Variants in SEL1L3 observed in about 807,000 individuals in gnomAD.
The protein encoded by SEL1L3 is protein sel-1 homolog 3.
Under a neutral mutation model 142.8 loss-of-function variants are expected in SEL1L3, and 76 were observed. The observed-to-expected ratio is 0.53, with a 90% CI of 0.44 to 0.64. The LOEUF (loss-of-function observed/expected upper bound fraction) is 0.64. Among genes scored for constraint, SEL1L3 ranks in the 30% least tolerant of loss-of-function variants. The pLI, the probability that SEL1L3 is intolerant of heterozygous loss-of-function variation, is 0.00. For missense variants in SEL1L3, 1,262 were observed against 1,381.7 expected, an observed-to-expected ratio of 0.91 and a Z score of 1.37; for synonymous variants, 504 against 519.6, an observed-to-expected ratio of 0.97 and a Z score of 0.41.
At chr4:25,733,739 C>T in the SEL1L3 span, among the ~76,000 whole-genome samples, 1 of 151,996 alleles carries the variant, frequency 6.6e-6, no homozygotes, top group African/African-American at 2.4e-5. Flanking sequence ...TCTCGAACTC[C>T]TGACCCCATG....
Position 25,788,207 on chromosome 4 carries a change from A to C in SEL1L3, c.2217+17T>G. Reference sequence around the variant, plus strand: ...ATAAGAATTGCACAATTTCAGCACGAATTAAGTGATTCTTACCTTGAATAG... The same window carrying C: ...ATAAGAATTGCACAATTTCAGCACGCATTAAGTGATTCTTACCTTGAATAG... On this transcript the variant is annotated intron_variant, in intron 13 of 23. Transcript: ENST00000399878. This position sits in a 1 kb window ranked among gnomAD's most constrained non-coding sequence, Gnocchi z 5.3. 1 of 1,612,326 alleles carries C rather than the reference A, an allele frequency of 6.2e-7. No homozygotes were observed. The highest frequency in any genetic ancestry group is 1.3e-5 in the African/African-American group (1 of 75,050).
chr4:25,726,805 T>C, the SEL1L3 span, among the ~76,000 whole-genome samples: 1 of 152,228 alleles, frequency 6.6e-6, no homozygotes, highest in Non-Finnish European at 1.5e-5. Flanking sequence ...TGTGATTCTG[T>C]TATTCGCTTG....
At chr4:25,716,864 T>A in the SEL1L3 span, among the ~76,000 whole-genome samples, 2 of 152,176 alleles carry the variant, frequency 1.3e-5, no homozygotes, top group African/African-American at 4.8e-5. Flanking sequence ...CGGTGGCTCA[T>A]GCCTGTAACC....
At position 25,782,276 on chromosome 4, in the gene SEL1L3, T is replaced by C; in HGVS notation, c.2423A>G (p.Asp808Gly). ...ASYNLGVLHL[D>G]GIFPGVPGRN... The stretch of plus-strand genomic sequence containing the variant: ...TCCAGGAACTCCAGGGAAGATGCCA[T>C]CCAAATGCAGGACTCCAAGATTGTA... Residue 808 changes from aspartate (D) to glycine (G), a missense_variant, in exon 15 of 24, where the codon GAT (aspartate) becomes GGT (glycine). Physicochemically the swap from Asp to Gly is moderately conservative, Grantham distance 94. Around this residue, in one of 3 missense-constraint regions of SEL1L3, gnomAD observed 435 missense variants for 559.2 expected, o/e 0.78. Coordinates refer to ENST00000399878, the MANE Select transcript of SEL1L3 (RefSeq NM_015187.5). 1 of 1,613,872 alleles carries C rather than the reference T, an allele frequency of 6.2e-7. No homozygotes were observed. The highest frequency in any genetic ancestry group is 8.5e-7 in the Non-Finnish European group (1 of 1,179,800).
At chr4:25,856,137 T>TC (rs1717238600) in intron 1 of SEL1L3, among the ~76,000 whole-genome samples, 1 of 152,190 alleles carries the variant, frequency 6.6e-6, no homozygotes, top group East Asian at 1.9e-4. Context: ...TTTCCATTTC[T>TC]CCACACCAAA....
intron 9 of SEL1L3, among the ~76,000 whole-genome samples, chr4:25,805,083 C>T (rs1713462407): frequency 1.3e-5 from 2 of 152,160 alleles, no homozygotes; most frequent in Admixed American, 6.5e-5. Flanking sequence ...TCCAGAGGGA[C>T]CTTTTCCCCC....
chr4:25,830,090 G>T lies in SEL1L3; in HGVS notation c.1157+8C>A, dbSNP rs371105353. 1.0e-5 allele frequency: 16 copies of T among 1,597,554 alleles called. No homozygotes were observed. Among genetic ancestry groups the T allele is most frequent in the Admixed American group, 1.7e-5 (1 of 59,804 alleles). On this transcript the variant is annotated splice_region_variant and intron_variant, in intron 6 of 23. Coordinates refer to ENST00000399878, the MANE Select transcript of SEL1L3 (RefSeq NM_015187.5). Reference sequence around the variant, plus strand: ...CAAATTTTGAATAAAAAGAAAAATCGCACTTACCTAATGGTCTGATTGTGG... The same window carrying T: ...CAAATTTTGAATAAAAAGAAAAATCTCACTTACCTAATGGTCTGATTGTGG...
intron 6 of SEL1L3, among the ~76,000 whole-genome samples, chr4:25,823,577 G>T (rs1714905314): frequency 6.6e-6 from 1 of 151,856 alleles, no homozygotes; most frequent in African/African-American, 2.4e-5. Context: ...AATAAGAATG[G>T]GAGGATTCTT....
chr4:25,814,316 A>G (rs1714226284), intron 9 of SEL1L3, among the ~76,000 whole-genome samples: 1 of 152,202 alleles, frequency 6.6e-6, no homozygotes, highest in African/African-American at 2.4e-5. Context: ...GGGGGCACTC[A>G]GTCAATGCTT....
chr4:25,764,622 T>G (rs1718595552), intron 20 of SEL1L3, among the ~76,000 whole-genome samples: 1 of 152,182 alleles, frequency 6.6e-6, no homozygotes, highest in East Asian at 1.9e-4. Context: ...ACTGCTAATT[T>G]CTTGAGTTTC....
the SEL1L3 span, among the ~76,000 whole-genome samples, chr4:25,731,648 G>A: frequency 1.3e-5 from 2 of 152,190 alleles, no homozygotes; most frequent in East Asian, 1.9e-4. Flanking sequence ...ACTGTGTTAC[G>A]TGTGTATTAA....
chr4:25,739,246 A>G, the SEL1L3 span, among the ~76,000 whole-genome samples: 1 of 151,982 alleles, frequency 6.6e-6, no homozygotes, highest in African/African-American at 2.4e-5. Context: ...CAAAAAAACA[A>G]TGTCTGGAGG....
chr4:25,742,887 C>T (rs1234140450), downstream of SEL1L3, among the ~76,000 whole-genome samples: 1 of 152,094 alleles, frequency 6.6e-6, no homozygotes, highest in Non-Finnish European at 1.5e-5. Flanking sequence ...GTACCGCTTC[C>T]CCAGCTCCCA....
At chr4:25,856,647 T>C (rs1717288742) in intron 1 of SEL1L3, among the ~76,000 whole-genome samples, 1 of 149,030 alleles carries the variant, frequency 6.7e-6, no homozygotes, top group South Asian at 2.1e-4. Context: ...GTGTTCATGA[T>C]AGAAGACCCC....
intron 13 of SEL1L3, among the ~76,000 whole-genome samples, chr4:25,786,674 C>A (rs1168297841): frequency 3.3e-5 from 5 of 152,224 alleles, no homozygotes; most frequent in Non-Finnish European, 2.9e-5. Flanking sequence ...GTGACTCATG[C>A]ATCCATATGC....
chr4:25,803,327 A>G (rs13134610), intron 10 of SEL1L3, among the ~76,000 whole-genome samples: 89,420 of 152,112 alleles, frequency 0.59, 27,364 homozygotes, highest in South Asian at 0.76. Flanking sequence ...ACTCAGGAAA[A>G]CATGCTGTCA....
intron 5 of SEL1L3, among the ~76,000 whole-genome samples, chr4:25,832,214 T>G (rs948387069): frequency 1.3e-5 from 2 of 152,174 alleles, no homozygotes; most frequent in Non-Finnish European, 2.9e-5. Flanking sequence ...GTGATCAACC[T>G]AAACACCAAG....
At chr4:25,863,215 GCCCCGGCGCAC>G (rs1291048459), upstream of SEL1L3, among the ~76,000 whole-genome samples, 1 of 113,008 alleles carries the variant, frequency 8.8e-6, no homozygotes, top group African/African-American at 3.4e-5. Context: ...GGGTCGCTGG[GCCCCGGCGCAC>G]CCCCCTTTCC....
At chr4:25,841,891 C>T (rs1021304436) in intron 2 of SEL1L3, among the ~76,000 whole-genome samples, 3 of 152,214 alleles carry the variant, frequency 2.0e-5, no homozygotes, top group Non-Finnish European at 2.9e-5. Flanking sequence ...ACCTGGGAGG[C>T]GGAGGGTGCA....
Sources: allele counts gnomAD v4.1 joint callset (sites outside exome capture counted in the v4.1 genomes callset), GRCh38; gene constraint gnomAD v4.1.1; regional missense constraint gnomAD v4.1.1; non-coding constraint Gnocchi (gnomAD v3.1); transcripts MANE v1.5; gene names NCBI Gene and HGNC (gene_info 2026-07-23, HGNC 2026-07-21).